ANO2: variants seen among roughly 807,000 people sequenced by gnomAD.
The protein encoded by ANO2 is anoctamin-2.
In ANO2, 101 loss-of-function variants were observed where a neutral mutation model predicts 124.2. That is an observed-to-expected ratio of 0.81 (90% CI 0.69 to 0.96). ANO2 has a LOEUF of 0.96. Ranked by LOEUF, ANO2 falls within the 40% of genes least tolerant of loss-of-function variation. The pLI, the probability that ANO2 is intolerant of heterozygous loss-of-function variation, is 0.00. For missense variants in ANO2, 1,293 were observed against 1,274.5 expected (o/e 1.01, Z -0.22); for synonymous variants, 486 against 482.5 (o/e 1.01, Z -0.09).
chr12:5,853,882 C>T (rs550632076), intron 4 of ANO2, among the ~76,000 whole-genome samples, 161 bp downstream of exon 4: 1 of 142,830 alleles, frequency 7.0e-6, no homozygotes, highest in Non-Finnish European at 1.5e-5. Context: ...TCCCCGTCCC[C>T]GTCCCCACCC....
chr12:5,933,501 G>A (rs571490862), intron 1 of ANO2, among the ~76,000 whole-genome samples: 2 of 152,192 alleles, frequency 1.3e-5, no homozygotes, highest in African/African-American at 4.8e-5. Context: ...TAAATGGATG[G>A]GTGGGTGGGT....
At chr12:5,770,796 T>C (rs1952055476) in intron 10 of ANO2, among the ~76,000 whole-genome samples, 1 of 152,190 alleles carries the variant, frequency 6.6e-6, no homozygotes, top group South Asian at 2.1e-4. Flanking sequence ...TCCTGTTGCA[T>C]CTGGCCCCTC....
chr12:5,696,755 A>G (rs1455624515), intron 14 of ANO2, among the ~76,000 whole-genome samples: 1 of 152,256 alleles, frequency 6.6e-6, no homozygotes, highest in African/African-American at 2.4e-5. Flanking sequence ...ATAGCAATAT[A>G]TTAAAATAAG....
intron 3 of ANO2, among the ~76,000 whole-genome samples, chr12:5,876,462 C>T (rs1455781569): frequency 6.6e-6 from 1 of 152,156 alleles, no homozygotes; most frequent in Non-Finnish European, 1.5e-5. Flanking sequence ...TCATTTGACG[C>T]AGCAATCCTA....
chr12:5,920,603 C>G (rs1299844462), intron 3 of ANO2, among the ~76,000 whole-genome samples: 2 of 152,132 alleles, frequency 1.3e-5, no homozygotes, highest in Non-Finnish European at 2.9e-5. Flanking sequence ...CGGTGGCTCA[C>G]ACCTGTAATC....
chr12:5,853,588 A>G (rs1954991868), intron 4 of ANO2, among the ~76,000 whole-genome samples: 1 of 152,130 alleles, frequency 6.6e-6, no homozygotes, highest in Non-Finnish European at 1.5e-5. Context: ...CCCACCAAAC[A>G]CAATATTTAG....
chr12:5,823,830 A>G (rs1953878742), intron 7 of ANO2, among the ~76,000 whole-genome samples: 2 of 152,218 alleles, frequency 1.3e-5, no homozygotes, highest in South Asian at 4.1e-4. Context: ...TCGCCTGCAC[A>G]TCCAGGCGTT....
chr12:5,678,144 A>G (rs533616489), intron 14 of ANO2, among the ~76,000 whole-genome samples: 1 of 152,208 alleles, frequency 6.6e-6, no homozygotes, highest in Non-Finnish European at 1.5e-5. Flanking sequence ...ATTCAGAGGT[A>G]GTGGTCGCTA....
intron 22 of ANO2, among the ~76,000 whole-genome samples, chr12:5,577,698 G>A (rs766068375): frequency 1.2e-4 from 18 of 152,196 alleles, no homozygotes; most frequent in Non-Finnish European, 2.1e-4. Context: ...GATTTTGACC[G>A]TCAGGGCCAA....
At chr12:5,607,792 G>A (rs1383352072) in intron 19 of ANO2, among the ~76,000 whole-genome samples, 1 of 152,180 alleles carries the variant, frequency 6.6e-6, no homozygotes. Flanking sequence ...AATGCCTGAT[G>A]ATCTGTTACT....
At chr12:5,844,248 T>C (rs1267434417) in intron 4 of ANO2, among the ~76,000 whole-genome samples, 2 of 152,170 alleles carry the variant, frequency 1.3e-5, no homozygotes, top group Non-Finnish European at 2.9e-5. Context: ...GGGAGCTCCA[T>C]CTAGGCTACA....
intron 7 of ANO2, among the ~76,000 whole-genome samples, chr12:5,825,402 G>A (rs1392361572): frequency 6.6e-6 from 1 of 152,130 alleles, no homozygotes; most frequent in Non-Finnish European, 1.5e-5. Flanking sequence ...GGATTCACGG[G>A]TCCAAGAATC....
chr12:5,923,642 C>G (rs1214117310), intron 1 of ANO2, among the ~76,000 whole-genome samples: 2 of 152,196 alleles, frequency 1.3e-5, no homozygotes, highest in Non-Finnish European at 2.9e-5. Context: ...GGCAGGAATG[C>G]AGGACCACTT....
At chr12:5,590,744 CAGCA>C (rs1355113525) in intron 20 of ANO2, among the ~76,000 whole-genome samples, 1 of 152,222 alleles carries the variant, frequency 6.6e-6, no homozygotes, top group Admixed American at 6.5e-5. Context: ...CTAGCCTCTG[CAGCA>C]AGCATCACTA....
At chr12:5,877,983 C>T (rs1042328928) in intron 3 of ANO2, among the ~76,000 whole-genome samples, 14 of 152,332 alleles carry the variant, frequency 9.2e-5, no homozygotes, top group South Asian at 6.2e-4. Context: ...TACCGGCCCA[C>T]GGCCGGGGGG....
chr12:5,911,379 T>C (rs1941037698), intron 3 of ANO2, among the ~76,000 whole-genome samples: 1 of 152,188 alleles, frequency 6.6e-6, no homozygotes, highest in Non-Finnish European at 1.5e-5. Context: ...ATAAAGACCC[T>C]GAACTTATCA....
At chr12:5,826,500 T>G (rs1203382803) in intron 7 of ANO2, among the ~76,000 whole-genome samples, 3 of 150,614 alleles carry the variant, frequency 2.0e-5, no homozygotes, top group African/African-American at 7.4e-5. Flanking sequence ...TATATAAAAT[T>G]TCTCTGTTTT....
intron 4 of ANO2, among the ~76,000 whole-genome samples, chr12:5,840,579 C>G (rs979198009): frequency 6.6e-6 from 1 of 152,034 alleles, no homozygotes; most frequent in African/African-American, 2.4e-5. Flanking sequence ...CCAATGACCC[C>G]GAAGATCAAG....
At chr12:5,718,138 G>C (rs151231975) in intron 14 of ANO2, among the ~76,000 whole-genome samples, 1 of 152,214 alleles carries the variant, frequency 6.6e-6, no homozygotes, top group African/African-American at 2.4e-5. Flanking sequence ...GCAATAGCTC[G>C]AGAGGGAAAG....
Sources: allele counts gnomAD v4.1 joint callset (sites outside exome capture counted in the v4.1 genomes callset), GRCh38; gene constraint gnomAD v4.1.1; transcripts MANE v1.5; gene names NCBI Gene and HGNC (gene_info 2026-07-23, HGNC 2026-07-21).